The following RHOBTB3 variants were observed in gnomAD, a reference collection of about 807,000 sequenced individuals.
The protein encoded by RHOBTB3 is rho-related BTB domain-containing protein 3.
RHOBTB3 carries 47 observed loss-of-function variants against 67.2 expected under a neutral mutation model. The observed-to-expected ratio is 0.70, with a 90% confidence interval of 0.55 to 0.89. The LOEUF (loss-of-function observed/expected upper bound fraction) is 0.89. RHOBTB3 is among the 40% of genes least tolerant of loss of function. The probability of loss-of-function intolerance (pLI) is 0.00; values close to 1 mark genes in which losing one functional copy is unlikely to be tolerated. For synonymous variants in RHOBTB3, 273 were observed against 274.2 expected (o/e 1.00, Z 0.04); for missense variants, 631 against 750.0 (o/e 0.84, Z 1.85).
chr5:95,730,896 G>C (rs774359877), upstream of RHOBTB3: 33 of 455,982 alleles, frequency 7.2e-5, no homozygotes, highest in South Asian at 5.0e-4. Context: ...CGGCAGACGT[G>C]GTAAAGCACT....
At chr5:95,731,146 C>A (rs996747475), upstream of RHOBTB3, 1 of 1,014,474 alleles carries the variant, frequency 9.9e-7, no homozygotes, top group Non-Finnish European at 1.2e-6. Context: ...CGCGGCGCCC[C>A]GCGCGGGCGG....
chr5:95,717,839 C>T (rs903752773), intron 1 of RHOBTB3: 1 of 152,136 alleles, frequency 6.6e-6, no homozygotes, highest in African/African-American at 2.4e-5. Context: ...TTAGAAGGGA[C>T]ATATAGGATG....
intron 2 of RHOBTB3, chr5:95,732,576 AT>A: frequency 5.5e-6 from 1 of 180,374 alleles, no homozygotes; most frequent in African/African-American, 2.3e-5. Context: ...CTGGGAGTTA[AT>A]TTTAAATGAC....
At chr5:95,768,295 A>G in intron 8 of RHOBTB3, 129 bp downstream of exon 8, 1 of 767,980 alleles carries the variant, frequency 1.3e-6, no homozygotes, top group East Asian at 2.5e-5. Flanking sequence ...GTAGATTAAT[A>G]CTACCTTAAT....
chr5:95,741,312 A>T (rs1755588812), intron 3 of RHOBTB3, among the ~76,000 whole-genome samples: 1 of 149,618 alleles, frequency 6.7e-6, no homozygotes, highest in Non-Finnish European at 1.5e-5. Flanking sequence ...TGGACGACAG[A>T]GCGAGACTCT....
upstream of RHOBTB3, chr5:95,730,797 T>G: frequency 4.6e-6 from 2 of 434,982 alleles, no homozygotes; most frequent in Non-Finnish European, 9.3e-6. Context: ...CAAAGAACTC[T>G]TTCTGCAGCA....
intron 8 of RHOBTB3, among the ~76,000 whole-genome samples, chr5:95,778,147 T>C (rs1745944643): frequency 6.6e-6 from 1 of 151,984 alleles, no homozygotes; most frequent in Non-Finnish European, 1.5e-5. Context: ...AGTTGTTCCT[T>C]AATGTCCATA....
At chr5:95,769,289 G>A (rs1745638583) in intron 8 of RHOBTB3, 1 of 448,794 alleles carries the variant, frequency 2.2e-6, no homozygotes, top group Admixed American at 2.3e-5. Flanking sequence ...CTTGTTGCCA[G>A]TAACACTAAG....
chr5:95,760,003 A>AT (rs1745352412), intron 6 of RHOBTB3, among the ~76,000 whole-genome samples: 1 of 151,776 alleles, frequency 6.6e-6, no homozygotes, highest in South Asian at 2.1e-4. Flanking sequence ...TTTAAATAAC[A>AT]TGCTTTTTTT....
At chr5:95,741,027 T>C (rs1755579412) in intron 3 of RHOBTB3, among the ~76,000 whole-genome samples, 1 of 152,200 alleles carries the variant, frequency 6.6e-6, no homozygotes, top group African/African-American at 2.4e-5. Flanking sequence ...ACATTTTTAC[T>C]ATTATTTAAG....
chr5:95,725,111 G>A (rs1162344057), intron 1 of RHOBTB3, among the ~76,000 whole-genome samples: 2 of 152,116 alleles, frequency 1.3e-5, no homozygotes, highest in African/African-American at 4.8e-5. Flanking sequence ...GATCCTAGCA[G>A]CTTTGTTTAT....
At chr5:95,739,249 G>A (rs1755537102) in intron 3 of RHOBTB3, among the ~76,000 whole-genome samples, 1 of 152,158 alleles carries the variant, frequency 6.6e-6, no homozygotes, top group Non-Finnish European at 1.5e-5. Context: ...AGTTGATTAA[G>A]AAGCCCTTTT....
At chr5:95,791,301 A>G (rs1244050223) in intron 11 of RHOBTB3, among the ~76,000 whole-genome samples, 1 of 152,144 alleles carries the variant, frequency 6.6e-6, no homozygotes, top group Non-Finnish European at 1.5e-5. Flanking sequence ...TTAGATTTTT[A>G]TATACTGGAC....
chr5:95,719,261 G>A (rs940419105), intron 1 of RHOBTB3, among the ~76,000 whole-genome samples: 14 of 152,174 alleles, frequency 9.2e-5, no homozygotes, highest in Non-Finnish European at 1.8e-4. Flanking sequence ...TATAGTAAAT[G>A]TCTTCCTTGA....
At chr5:95,767,291 A>G (rs951794945) in intron 7 of RHOBTB3, among the ~76,000 whole-genome samples, 29 of 152,156 alleles carry the variant, frequency 1.9e-4, no homozygotes, top group Admixed American at 7.2e-4. Context: ...ATGTTAAGCT[A>G]GTAAGTAGAA....
At chr5:95,785,379 C>T (rs1746193565) in intron 10 of RHOBTB3, among the ~76,000 whole-genome samples, 1 of 152,138 alleles carries the variant, frequency 6.6e-6, no homozygotes, top group South Asian at 2.1e-4. Context: ...ATCACGAGGT[C>T]AGGAGATCGA....
chr5:95,778,913 C>T (rs965031676), intron 8 of RHOBTB3, among the ~76,000 whole-genome samples: 1 of 152,226 alleles, frequency 6.6e-6, no homozygotes, highest in Non-Finnish European at 1.5e-5. Context: ...CAAGTTACTT[C>T]CCTGCTCCTC....
chr5:95,773,181 A>G (rs1426195669), intron 8 of RHOBTB3, among the ~76,000 whole-genome samples: 1 of 152,184 alleles, frequency 6.6e-6, no homozygotes, highest in African/African-American at 2.4e-5. Flanking sequence ...GCTCCTCCTA[A>G]TGGCGTGCTT....
At chr5:95,771,534 A>G (rs1745713208) in intron 8 of RHOBTB3, among the ~76,000 whole-genome samples, 1 of 152,230 alleles carries the variant, frequency 6.6e-6, no homozygotes, top group African/African-American at 2.4e-5. Flanking sequence ...CTGGGAAAAA[A>G]GCTAACAAGA....
Sources: gnomAD v4.1 joint callset for allele counts (sites outside exome capture counted in the v4.1 genomes callset) on GRCh38, gnomAD v4.1.1 for gene constraint, MANE v1.5 for transcripts, NCBI Gene and HGNC (gene_info 2026-07-23, HGNC 2026-07-21) for gene names.